BNC2: variants seen among roughly 807,000 people sequenced by gnomAD.
BNC2 encodes basonuclin zinc finger protein 2.
Under a neutral mutation model 76.3 loss-of-function variants are expected in BNC2, and 20 were observed. The observed-to-expected ratio is 0.26, with a 90% CI of 0.18 to 0.38. The LOEUF (loss-of-function observed/expected upper bound fraction) is 0.38. Among genes scored for constraint, BNC2 ranks in the 10% least tolerant of loss-of-function variants. BNC2 has a pLI of 1.00. For synonymous variants in BNC2, 582 were observed against 514.8 expected (o/e 1.13, Z -1.77); for missense variants, 1,382 against 1,399.8 (o/e 0.99, Z 0.20).
At chr9:16,791,800 A>C (rs964176642) in intron 1 of BNC2, among the ~76,000 whole-genome samples, 5 of 152,144 alleles carry the variant, frequency 3.3e-5, no homozygotes, top group Admixed American at 6.6e-5. Context: ...ATTAAAAAGT[A>C]CTTTTAAAAA....
rs375336066 is a variant in BNC2 at position 16,596,854 on chromosome 9, T to C, written c.331-13769A>G. 2.8e-3 allele frequency among the ~76,000 whole-genome samples: 423 copies of C among 152,230 alleles called. 3 individuals carry two copies. The highest frequency in any genetic ancestry group is 9.3e-3 in the African/African-American group (386 of 41,554). ...AAAATAAGCCTATCTACATGAATAA[T>C]TGTATTTACTAAGTTCATGGCAACG... On this transcript the variant is annotated intron_variant, in intron 3 of 6. Transcript: ENST00000380672.
chr9:16,780,246 A>AAC (rs1391515681), intron 1 of BNC2, among the ~76,000 whole-genome samples: 9 of 118,036 alleles, frequency 7.6e-5, no homozygotes, highest in Admixed American at 2.6e-4. Context: ...AAAAAAAAAA[A>AAC]AAAAAAAAAA....
intron 5 of BNC2, among the ~76,000 whole-genome samples, chr9:16,513,658 T>C (rs1822811964): frequency 6.6e-6 from 1 of 152,012 alleles, no homozygotes. Context: ...CACAGAGGGG[T>C]ACAGGACCAG....
intron 2 of BNC2, among the ~76,000 whole-genome samples, chr9:16,737,337 G>A (rs1321126191): frequency 7.5e-6 from 1 of 133,296 alleles, no homozygotes; most frequent in Non-Finnish European, 1.6e-5. Flanking sequence ...TGCAAGCTCC[G>A]CCTCCCAAGC....
chr9:16,495,448 T>C (rs1822367843), intron 5 of BNC2, among the ~76,000 whole-genome samples: 1 of 152,228 alleles, frequency 6.6e-6, no homozygotes, highest in Admixed American at 6.5e-5. Flanking sequence ...GTGACGTGAA[T>C]GTCAATCTGA....
At chr9:16,766,178 C>A (rs1301881575) in intron 1 of BNC2, among the ~76,000 whole-genome samples, 2 of 152,170 alleles carry the variant, frequency 1.3e-5, no homozygotes, top group African/African-American at 4.8e-5. Flanking sequence ...AATTTCTTCA[C>A]TTTTAGTGCT....
chr9:16,674,116 A>T (rs1321932201), intron 3 of BNC2, among the ~76,000 whole-genome samples: 1 of 152,216 alleles, frequency 6.6e-6, no homozygotes, highest in Non-Finnish European at 1.5e-5. Context: ...TCATTACAGC[A>T]TCAATTTCAT....
At chr9:16,525,615 G>A (rs1436448808) in intron 5 of BNC2, among the ~76,000 whole-genome samples, 1 of 152,194 alleles carries the variant, frequency 6.6e-6, no homozygotes, top group African/African-American at 2.4e-5. Context: ...GTCTACCAGT[G>A]TATGAAGGAA....
At chr9:16,630,093 G>T (rs1044293129) in intron 3 of BNC2, among the ~76,000 whole-genome samples, 1 of 152,210 alleles carries the variant, frequency 6.6e-6, no homozygotes, top group South Asian at 2.1e-4. Context: ...TATCTGCAGA[G>T]TGCAGTAAAG....
At chr9:16,659,374 C>T (rs981432897) in intron 3 of BNC2, among the ~76,000 whole-genome samples, 2 of 151,996 alleles carry the variant, frequency 1.3e-5, no homozygotes, top group African/African-American at 2.4e-5. Context: ...CTTTGGGGGG[C>T]CGAGGTGGGC....
At chr9:16,608,148 G>A (rs1469056693) in intron 3 of BNC2, among the ~76,000 whole-genome samples, 1 of 152,090 alleles carries the variant, frequency 6.6e-6, no homozygotes, top group Non-Finnish European at 1.5e-5. Context: ...TACTTTCCAT[G>A]AGCAGAAAAA....
chr9:16,787,406 T>G (rs1343282892), intron 1 of BNC2, among the ~76,000 whole-genome samples: 2 of 152,088 alleles, frequency 1.3e-5, no homozygotes, highest in African/African-American at 2.4e-5. Context: ...CATGAAAGAG[T>G]ATGGACTCTG....
At chr9:16,745,073 G>A (rs1273636840) in intron 1 of BNC2, among the ~76,000 whole-genome samples, 1 of 152,126 alleles carries the variant, frequency 6.6e-6, no homozygotes, top group Non-Finnish European at 1.5e-5. Context: ...GTGTGATCTT[G>A]GCAAGTTACT....
chr9:16,839,301 T>C (rs72713812), intron 1 of BNC2, among the ~76,000 whole-genome samples: 6 of 152,360 alleles, frequency 3.9e-5, no homozygotes, highest in Non-Finnish European at 1.5e-5. Flanking sequence ...AGGCTATGCA[T>C]CTTTTAATGC....
chr9:16,429,942 C>T (rs1563778884), intron 6 of BNC2: 3 of 515,442 alleles, frequency 5.8e-6, no homozygotes, highest in East Asian at 5.5e-5. Flanking sequence ...TTAGGCTTGA[C>T]AGAGTCTCTC....
chr9:16,645,289 C>T (rs1441335281), intron 3 of BNC2, among the ~76,000 whole-genome samples: 1 of 152,126 alleles, frequency 6.6e-6, no homozygotes, highest in Non-Finnish European at 1.5e-5. Context: ...AAATCTTCAC[C>T]TTCAAAATGT....
At chr9:16,425,019 G>C (rs1182829262) in intron 6 of BNC2, among the ~76,000 whole-genome samples, 1 of 152,072 alleles carries the variant, frequency 6.6e-6, no homozygotes, top group East Asian at 1.9e-4. Flanking sequence ...CCATCCCCTA[G>C]CTCAGGAAGA....
chr9:16,729,177 G>A (rs1470290212), intron 2 of BNC2, among the ~76,000 whole-genome samples: 1 of 152,086 alleles, frequency 6.6e-6, no homozygotes, highest in Non-Finnish European at 1.5e-5. Context: ...CTTATTTATG[G>A]AAAAGCAGCA....
At chr9:16,642,514 C>T (rs1270265081) in intron 3 of BNC2, among the ~76,000 whole-genome samples, 1 of 152,174 alleles carries the variant, frequency 6.6e-6, no homozygotes. Flanking sequence ...AAACCACTGA[C>T]CAAACCACCC....
Sources: gnomAD v4.1 joint callset for allele counts (sites outside exome capture counted in the v4.1 genomes callset) on GRCh38, gnomAD v4.1.1 for gene constraint, MANE v1.5 for transcripts, NCBI Gene and HGNC (gene_info 2026-07-23, HGNC 2026-07-21) for gene names.